RERE: variants seen among roughly 807,000 people sequenced by gnomAD.
The protein encoded by RERE is arginine-glutamic acid dipeptide repeats.
Under a neutral mutation model 146.1 loss-of-function variants are expected in RERE, and 40 were observed. The observed-to-expected ratio is 0.27, with a 90% CI of 0.21 to 0.36. RERE has a LOEUF of 0.36. Among genes scored for constraint, RERE ranks in the 10% least tolerant of loss-of-function variants. RERE has a pLI of 1.00. For missense variants in RERE, 1,933 were observed against 2,138.7 expected (o/e 0.90, Z 1.90); for synonymous variants, 1,003 against 866.0 (o/e 1.16, Z -2.78).
intron 7 of RERE, among the ~76,000 whole-genome samples, chr1:8,515,097 G>A (rs1310379200): frequency 6.6e-6 from 1 of 152,136 alleles, no homozygotes; most frequent in African/African-American, 2.4e-5. Context: ...AGCACTACAC[G>A]TGGTGGTGCA....
Position 8,556,479 on chromosome 1 carries a change from G to C in RERE, c.721C>G (p.Leu241Val). ...DYVDTYHAAALRGKCNISHFS... is the reference protein window; with the variant it reads ...DYVDTYHAAAVRGKCNISHFS... The stretch of plus-strand genomic sequence containing the variant: ...GAGCACGTCTCCAGTACTTACCTAA[G>C]GGCAGCAGCATGGTAAGTGTCAACG... Residue 241 changes from leucine to valine, a missense_variant, in exon 6 of 23, where the codon CTT becomes GTT. By Grantham distance (32) the Leu-to-Val change is conservative (BLOSUM62 1). This residue lies in a region of RERE where 37 missense variants were observed against 46.6 expected (regional missense o/e 0.79). Coordinates refer to ENST00000400908, the MANE Select transcript of RERE (RefSeq NM_001042681.2). 1 of 1,586,266 alleles carries C rather than the reference G, an allele frequency of 6.3e-7. No individual in the cohort carries two copies. Among genetic ancestry groups the C allele is most frequent in the Non-Finnish European group, 8.7e-7 (1 of 1,154,754 alleles).
intron 1 of RERE, among the ~76,000 whole-genome samples, chr1:8,661,176 G>C (rs903006838): frequency 6.6e-6 from 1 of 152,190 alleles, no homozygotes; most frequent in Non-Finnish European, 1.5e-5. Context: ...TAGAGAGAAA[G>C]CCAAGGACAC....
At chr1:8,696,785 C>T (rs1639340362) in intron 1 of RERE, among the ~76,000 whole-genome samples, 1 of 152,114 alleles carries the variant, frequency 6.6e-6, no homozygotes, top group Non-Finnish European at 1.5e-5. Flanking sequence ...TGGCAGGCGC[C>T]TGTAGTCCCA....
At chr1:8,593,179 G>C (rs1277160712) in intron 4 of RERE, among the ~76,000 whole-genome samples, 1 of 152,146 alleles carries the variant, frequency 6.6e-6, no homozygotes, top group Non-Finnish European at 1.5e-5. Flanking sequence ...TACGTTACTG[G>C]AGCACAGTAA....
At chr1:8,575,262 C>A (rs1646276427) in intron 4 of RERE, among the ~76,000 whole-genome samples, 1 of 152,084 alleles carries the variant, frequency 6.6e-6, no homozygotes, top group Non-Finnish European at 1.5e-5. Flanking sequence ...AGAAATCGTG[C>A]ATCCTTGCTG....
chr1:8,601,878 TA>T (rs112457832), intron 4 of RERE, among the ~76,000 whole-genome samples: 3,119 of 152,222 alleles, frequency 0.02, 101 homozygotes, highest in African/African-American at 0.072. Context: ...TATCCATCGT[TA>T]ACAAGGCCCT....
At chr1:8,416,388 A>G (rs536101717) in intron 12 of RERE, among the ~76,000 whole-genome samples, 11 of 152,114 alleles carry the variant, frequency 7.2e-5, no homozygotes, top group South Asian at 2.1e-4. Context: ...GATCGAGACC[A>G]TCCTGGTTAA....
intron 7 of RERE, among the ~76,000 whole-genome samples, chr1:8,527,854 C>T (rs969579843): frequency 6.6e-6 from 1 of 152,126 alleles, no homozygotes; most frequent in Non-Finnish European, 1.5e-5. Context: ...CACTCTCTCC[C>T]GTGGAAAAGT....
rs1423201441 is a variant in RERE, at chr1:8,497,548, T to C, written c.880-19A>G. The C allele has an allele frequency of 3.1e-6, 5 of 1,613,502 alleles. No individual in the cohort carries two copies. The highest frequency in any genetic ancestry group is 4.2e-6 in the Non-Finnish European group (5 of 1,179,488). ...GTTTGGCCTGTAAGACAGGGATGAG[T>C]AAGTCACAATCAAGGCATGTATTAA... On this transcript the variant is annotated intron_variant, in intron 8 of 22. Transcript: ENST00000400908.
chr1:8,472,772 GC>G (rs942416599), intron 10 of RERE, among the ~76,000 whole-genome samples: 27 of 151,968 alleles, frequency 1.8e-4, no homozygotes, highest in African/African-American at 6.5e-4. Context: ...ATCTTATGCT[GC>G]CCCCACGCAA....
At chr1:8,508,505 G>C in intron 8 of RERE, 122 bp downstream of exon 8, 1 of 746,884 alleles carries the variant, frequency 1.3e-6, no homozygotes, top group Non-Finnish European at 2.3e-6. Context: ...AAAAACCTCT[G>C]TATTTATAAA....
chr1:8,652,982 C>T (rs1047176082), intron 2 of RERE, among the ~76,000 whole-genome samples: 7 of 152,198 alleles, frequency 4.6e-5, no homozygotes, highest in Non-Finnish European at 8.8e-5. Flanking sequence ...TAAAAGCACA[C>T]GCCACTGTGC....
intron 10 of RERE, among the ~76,000 whole-genome samples, chr1:8,469,375 C>T (rs1235788772): frequency 6.6e-6 from 1 of 152,124 alleles, no homozygotes; most frequent in Non-Finnish European, 1.5e-5. Context: ...TCCCAGCACT[C>T]TGGGAGGCTG....
chr1:8,687,799 C>G (rs151122152), intron 1 of RERE, among the ~76,000 whole-genome samples: 1 of 152,154 alleles, frequency 6.6e-6, no homozygotes, highest in East Asian at 1.9e-4. Context: ...CCACAGTAAA[C>G]AAAAGCAGGG....
intron 1 of RERE, among the ~76,000 whole-genome samples, chr1:8,698,237 C>T (rs1375282041): frequency 1.3e-5 from 2 of 152,206 alleles, no homozygotes; most frequent in East Asian, 1.9e-4. Context: ...TATGTAAACT[C>T]AGGTTGTTTG....
chr1:8,419,746 C>T (rs886065797), intron 12 of RERE, among the ~76,000 whole-genome samples: 3 of 152,132 alleles, frequency 2.0e-5, no homozygotes, highest in Admixed American at 6.5e-5. Context: ...ATTTTACAAA[C>T]GCAGAAATTA....
chr1:8,640,667 T>C (rs1647164764), intron 2 of RERE, among the ~76,000 whole-genome samples: 1 of 152,210 alleles, frequency 6.6e-6, no homozygotes, highest in Admixed American at 6.5e-5. Flanking sequence ...TACTGGATAT[T>C]TAATGCATAT....
rs34547801 is a variant in RERE, at chr1:8,529,287, C to CTTTTTTTTTTTTTTT, written c.830+11912_830+11926dup. ...CCTCCACAACCATCAGTTCTCCCTT[C>CTTTTTTTTTTTTTTT]TTTTTTTTTTTTTTTTTTTTGAGAT... On this transcript the variant is annotated intron_variant, in intron 7 of 22. Transcript: ENST00000400908. Among the ~76,000 whole-genome samples the CTTTTTTTTTTTTTTT allele has an allele frequency of 4.1e-4, 42 of 102,432 alleles. 2 individuals carry two copies. Among genetic ancestry groups the CTTTTTTTTTTTTTTT allele is most frequent in the African/African-American group, 1.5e-3 (38 of 26,048 alleles). The allele number at this position is 102,432 out of a possible 152,430, so 67.2% of individuals were successfully genotyped here. A position where few individuals can be genotyped will look rare whatever the true frequency, so the allele number is the denominator to read the frequency against.
chr1:8,453,206 T>C (rs1458358891), intron 11 of RERE, among the ~76,000 whole-genome samples: 4 of 152,150 alleles, frequency 2.6e-5, no homozygotes, highest in African/African-American at 9.7e-5. Context: ...GACAAAGAAG[T>C]TGGGTTGTCT....
Sources: gnomAD v4.1 joint callset for allele counts (sites outside exome capture counted in the v4.1 genomes callset) on GRCh38, gnomAD v4.1.1 for gene constraint, gnomAD v4.1.1 regional missense constraint, MANE v1.5 for transcripts, NCBI Gene and HGNC (gene_info 2026-07-23, HGNC 2026-07-21) for gene names.